Variants in MYO1D observed in about 807,000 individuals in gnomAD.
MYO1D encodes the protein unconventional myosin-Id.
In MYO1D, 83 loss-of-function variants were observed where a neutral mutation model predicts 122.0. That is an observed-to-expected ratio of 0.68 (90% CI 0.57 to 0.82). The LOEUF (loss-of-function observed/expected upper bound fraction) is 0.82. MYO1D is among the 40% of genes least tolerant of loss of function. The pLI is 0.00. For missense variants in MYO1D, 1,157 were observed against 1,269.5 expected (o/e 0.91, Z 1.35); for synonymous variants, 464 against 446.9 (o/e 1.04, Z -0.48).
chr17:32,523,318 T>C (rs1910221746), intron 21 of MYO1D: 1 of 152,156 alleles, frequency 6.6e-6, no homozygotes, highest in South Asian at 2.1e-4. Context: ...TGACCCAACT[T>C]CCTTTTACAG....
intron 21 of MYO1D, among the ~76,000 whole-genome samples, chr17:32,553,364 C>T (rs9890602): frequency 0.17 from 25,455 of 151,864 alleles, 2,668 homozygotes; most frequent in African/African-American, 0.3. Flanking sequence ...ACAGAGGAGG[C>T]GATATTTGAA....
rs1193047469 is a variant in MYO1D, at chr17:32,775,897, A to C, written c.531T>G (p.Ile177Met). Residue 177 changes from isoleucine to methionine, a missense_variant, in exon 4 of 22, where the codon ATT (isoleucine) becomes ATG (methionine). Ile to Met is a conservative substitution (Grantham distance 10). Transcript: ENST00000318217. ...DINFDFKGDP[I>M]GGHINNYLLE... ...GTAAGTAGTTATTGATATGCCCACC[A>C]ATAGGGTCACCCTTGAAGTCAAAGT... The C allele has an allele frequency of 1.9e-6, 3 of 1,613,328 alleles. No individual in the cohort carries two copies. The African/African-American group carries it at 4.0e-5, about 22-fold the overall frequency.
chr17:32,636,541 C>G (rs2088102072), intron 20 of MYO1D, among the ~76,000 whole-genome samples: 1 of 152,198 alleles, frequency 6.6e-6, no homozygotes, highest in Non-Finnish European at 1.5e-5. Flanking sequence ...GAAAAGGTGG[C>G]TGCCCTTCTG....
At chr17:32,732,120 G>A (rs996940715) in intron 14 of MYO1D, among the ~76,000 whole-genome samples, 2 of 152,240 alleles carry the variant, frequency 1.3e-5, no homozygotes, top group Admixed American at 1.3e-4. Flanking sequence ...AAAGAGCACA[G>A]CGGAAGGCCA....
chr17:32,553,259 C>A (rs1050076765), intron 21 of MYO1D, among the ~76,000 whole-genome samples: 3 of 152,110 alleles, frequency 2.0e-5, no homozygotes, highest in Non-Finnish European at 4.4e-5. Context: ...AGGTGGCATG[C>A]TAGCTAGAGA....
At chr17:32,654,376 T>C in intron 18 of MYO1D, 101 bp downstream of exon 18, 3 of 1,298,636 alleles carry the variant, frequency 2.3e-6, no homozygotes, top group Non-Finnish European at 3.2e-6. Context: ...ATTTAGTTTC[T>C]AAAAGTGTTT....
At chr17:32,589,432 C>T (rs979740362) in intron 21 of MYO1D, among the ~76,000 whole-genome samples, 5 of 152,142 alleles carry the variant, frequency 3.3e-5, no homozygotes, top group Admixed American at 1.3e-4. Context: ...GAAAGTGGTC[C>T]GGGTTGGGTC....
At chr17:32,832,800 T>C (rs2090785127) in intron 1 of MYO1D, among the ~76,000 whole-genome samples, 2 of 152,252 alleles carry the variant, frequency 1.3e-5, no homozygotes, top group African/African-American at 4.8e-5. Flanking sequence ...AGAAGTTATA[T>C]ATGATTTAAG....
At chr17:32,774,855 C>T (rs2151025302) in intron 4 of MYO1D, among the ~76,000 whole-genome samples, 1 of 152,330 alleles carries the variant, frequency 6.6e-6, no homozygotes, top group East Asian at 1.9e-4. Context: ...TATGGCCTAA[C>T]TGGGATAGGA....
chr17:32,505,108 A>G (rs1909458815), intron 21 of MYO1D: 1 of 152,250 alleles, frequency 6.6e-6, no homozygotes, highest in Non-Finnish European at 1.5e-5. Context: ...TGTCCTCCAC[A>G]CAGTCATCAG....
intron 16 of MYO1D, among the ~76,000 whole-genome samples, chr17:32,675,456 A>G (rs774683689): frequency 6.6e-6 from 1 of 152,124 alleles, no homozygotes; most frequent in Non-Finnish European, 1.5e-5. Flanking sequence ...TTTCTTCCTA[A>G]ATGTTTTATA....
At chr17:32,711,944 C>T (rs771407029) in intron 16 of MYO1D, 44 bp downstream of exon 16, 1 of 1,493,706 alleles carries the variant, frequency 6.7e-7, no homozygotes, top group Non-Finnish European at 9.0e-7. Context: ...TTTTTAAGAA[C>T]TTAAAAGCAA....
chr17:32,615,935 A>C (rs2087764011), intron 20 of MYO1D, among the ~76,000 whole-genome samples: 1 of 152,220 alleles, frequency 6.6e-6, no homozygotes, highest in Admixed American at 6.5e-5. Flanking sequence ...AAACCATCAA[A>C]ATTTCAAAGG....
intron 21 of MYO1D, among the ~76,000 whole-genome samples, chr17:32,572,247 C>T (rs1223959101): frequency 1.3e-5 from 2 of 151,970 alleles, no homozygotes; most frequent in East Asian, 3.8e-4. Flanking sequence ...GCCCACCTCC[C>T]ACCAGCTATA....
At chr17:32,657,566 G>A (rs561604876) in intron 17 of MYO1D, among the ~76,000 whole-genome samples, 2 of 152,358 alleles carry the variant, frequency 1.3e-5, no homozygotes, top group South Asian at 2.1e-4. Flanking sequence ...GTGTGTGCGC[G>A]TGCGAGTGTG....
intron 14 of MYO1D, among the ~76,000 whole-genome samples, chr17:32,722,600 G>C (rs2089525210): frequency 6.6e-6 from 1 of 152,162 alleles, no homozygotes; most frequent in South Asian, 2.1e-4. Flanking sequence ...TTGGGTAATG[G>C]AGGATAAGCC....
At chr17:32,824,536 T>C (rs1960769975) in intron 1 of MYO1D, among the ~76,000 whole-genome samples, 1 of 152,198 alleles carries the variant, frequency 6.6e-6, no homozygotes, top group South Asian at 2.1e-4. Context: ...ACTTTACACA[T>C]AGTATCTCAT....
At position 32,873,462 on chromosome 17, in the gene MYO1D, A is replaced by G. The variant is rs773998491; in HGVS notation, c.95+3316T>C. On this transcript the variant is annotated intron_variant, in intron 1 of 21. Transcript: ENST00000318217. ...TTCACTCACACATCCATATATACCA[A>G]TGGACCAAACACGCTCAATTTCAGC... Among the ~76,000 whole-genome samples the G allele has an allele frequency of 3.3e-4, 51 of 152,262 alleles. No homozygotes were observed. In the Middle Eastern group the frequency reaches 0.014, roughly 41 times the overall value.
At chr17:32,556,551 A>AT (rs66782964) in intron 21 of MYO1D, among the ~76,000 whole-genome samples, 71,571 of 139,566 alleles carry the variant, frequency 0.51, 17,932 homozygotes, top group Middle Eastern at 0.59. Context: ...TATGGCCACA[A>AT]TTTTTTTTTT....
Sources: gnomAD v4.1 joint callset for allele counts (sites outside exome capture counted in the v4.1 genomes callset) on GRCh38, gnomAD v4.1.1 for gene constraint, MANE v1.5 for transcripts, NCBI Gene and HGNC (gene_info 2026-07-23, HGNC 2026-07-21) for gene names.